PAX4: variants seen among roughly 807,000 people sequenced by gnomAD.
The protein encoded by PAX4 is paired box protein Pax-4.
A neutral mutation model predicts 40.6 loss-of-function variants in PAX4; 33 were observed. The ratio of observed to expected loss-of-function variants is 0.81; its 90% CI spans 0.62 to 1.09. The LOEUF is 1.09. PAX4 is among the 50% of genes least tolerant of loss of function. PAX4 has a pLI of 0.00. For missense variants in PAX4, 459 were observed against 442.5 expected (o/e 1.04, Z -0.33); for synonymous variants, 174 against 170.6 (o/e 1.02, Z -0.16).
At chr7:127,617,916 G>A (rs928363980) in intron 1 of PAX4, 46 bp downstream of exon 1, 1 of 152,408 alleles carries the variant, frequency 6.6e-6, no homozygotes, top group Non-Finnish European at 1.5e-5. Flanking sequence ...GAGGCATGGA[G>A]ACAGCATGAG....
intron 4 of PAX4, 28 bp from the exon 5 acceptor site, chr7:127,615,123 T>A (rs1379700482): frequency 6.2e-7 from 1 of 1,613,656 alleles, no homozygotes; most frequent in Non-Finnish European, 8.5e-7. Context: ...CAGGGACAGG[T>A]GAGGCATGAT....
chr7:127,613,797 C>T lies in PAX4; in HGVS notation c.521G>A (p.Arg174Gln), dbSNP rs776151854. The T allele has an allele frequency of 1.5e-5, 25 of 1,613,974 alleles. No individual in the cohort carries two copies. The highest frequency in any genetic ancestry group is 1.7e-4 in the Middle Eastern group (1 of 6,060). ...GTHPGTGHRN[R>Q]TIFSPSQAEA... ...TGCTTGGCTTGGGGAGAAGATAGTC[C>T]GATTCCGGTGGCCGGTCCCTGGGTG... The change falls in exon 7 of 12, where the codon CGG (arginine) becomes CAG (glutamine). Residue 174 changes from arginine to glutamine, a missense_variant. Transcript: ENST00000639438.
At position 127,610,571 on chromosome 7, in the gene PAX4, G is replaced by T; in HGVS notation, c.*493C>A. ...AGTGTGTGTGTGTGTGTGTGTGTGTGCGCGCACGCATGCACGCATACATAA... is the reference window on the plus strand; with the variant it reads ...AGTGTGTGTGTGTGTGTGTGTGTGTTCGCGCACGCATGCACGCATACATAA... On this transcript the variant is annotated 3_prime_UTR_variant, in exon 12 of 12. Transcript: ENST00000639438. The T allele has an allele frequency of 3.7e-6, 1 of 269,112 alleles. No individual in the cohort carries two copies. The highest frequency in any genetic ancestry group is 3.1e-5 in the South Asian group (1 of 32,168). The allele number at this position is 269,112 out of a possible 1,614,324, so 16.7% of individuals were successfully genotyped here. A position where few individuals can be genotyped will look rare whatever the true frequency, so the allele number is the denominator to read the frequency against.
In PAX4 at chr7:127,610,607, G is replaced by T. The variant is rs1587547975; in HGVS notation, c.*457C>A. ...TGCACGCATACATAATACACATATA[G>T]ATGCATACATAGAGTAGGTAAATTG... is the stretch of plus-strand genomic sequence containing the variant. On this transcript the variant is annotated 3_prime_UTR_variant, in exon 12 of 12. Transcript: ENST00000639438. 9.6e-6 allele frequency: 5 copies of T among 519,298 alleles called. No individual in the cohort carries two copies. The highest frequency in any genetic ancestry group is 6.5e-5 in the Admixed American group (2 of 30,916). 32.2% of individuals were successfully genotyped at this position (519,298 alleles called of 1,614,324 possible). A position where few individuals can be genotyped will look rare whatever the true frequency, so the allele number is the denominator to read the frequency against.
intron 4 of PAX4, 43 bp downstream of exon 4, chr7:127,615,358 T>A (rs373306441): frequency 2.5e-6 from 4 of 1,613,868 alleles, no homozygotes; most frequent in Non-Finnish European, 3.4e-6. Flanking sequence ...CCTTTCTCCC[T>A]GCTTCCTGTC....
rs368901575 is a variant in PAX4, at chr7:127,613,930, T to C, written c.437-49A>G. 1.3e-5 allele frequency: 21 copies of C among 1,609,208 alleles called. No individual in the cohort carries two copies. The African/African-American group carries it at 2.0e-4, about 15-fold the overall frequency. On this transcript the variant is annotated intron_variant, in intron 6 of 11. Coordinates refer to ENST00000639438, the MANE Select transcript of PAX4 (RefSeq NM_001366110.1). ...TGGTGGTTTGTGATGGTGATTCCTC[T>C]GGTCAGATGGGGTCCCTGAGTCTCT... is the stretch of plus-strand genomic sequence containing the variant.
rs1189212160 is a variant in PAX4 at position 127,610,894 on chromosome 7, A to T, written c.*170T>A. 6.5e-7 allele frequency: 1 copy of T among 1,543,102 alleles called. No individual in the cohort carries two copies. On this transcript the variant is annotated 3_prime_UTR_variant, in exon 12 of 12. Transcript: ENST00000639438. The stretch of plus-strand genomic sequence containing the variant: ...TGGGTGTTGCTTTACCAGCCCCTCC[A>T]ATCAGGTGATGCGCCAGAGAGGCAT...
chr7:127,613,367 C>G, intron 8 of PAX4, 83 bp downstream of exon 8: 1 of 1,340,170 alleles, frequency 7.5e-7, no homozygotes, highest in Non-Finnish European at 1.1e-6. Flanking sequence ...CACCTCCCCT[C>G]TCCACCTCAT....
rs927197477 is a variant in PAX4 at position 127,610,579 on chromosome 7, G to A, written c.*485C>T. The A allele has an allele frequency of 3.5e-5, 11 of 311,746 alleles. No homozygotes were observed. The highest frequency in any genetic ancestry group is 3.1e-4 in the East Asian group (6 of 19,406). 19.3% of individuals were successfully genotyped at this position (311,746 alleles called of 1,614,324 possible). A position where few individuals can be genotyped will look rare whatever the true frequency, so the allele number is the denominator to read the frequency against. Reference sequence around the variant, plus strand: ...TGTGTGTGTGTGTGTGTGCGCGCACGCATGCACGCATACATAATACACATA... The same window carrying A: ...TGTGTGTGTGTGTGTGTGCGCGCACACATGCACGCATACATAATACACATA... On this transcript the variant is annotated 3_prime_UTR_variant, in exon 12 of 12. Transcript: ENST00000639438.
intron 3 of PAX4, 110 bp from the exon 4 acceptor site, chr7:127,615,641 C>T (rs1794713025): frequency 9.4e-6 from 15 of 1,594,992 alleles, no homozygotes; most frequent in Non-Finnish European, 1.3e-5. Flanking sequence ...CGAGTGCATC[C>T]TCTCCTGGGA....
chr7:127,613,585 G>C lies in PAX4; in HGVS notation c.563-53C>G, dbSNP rs969347556. 1.9e-6 allele frequency: 3 copies of C among 1,593,684 alleles called. No individual in the cohort carries two copies. In the African/African-American group the frequency reaches 4.0e-5, roughly 21 times the overall value. On this transcript the variant is annotated intron_variant, in intron 7 of 11. Transcript: ENST00000639438. ...GGGCACCGGGAGAGGAGCAAGGCAT[G>C]GGTCTCCCCTTAGGCAACACTCCCC... is the stretch of plus-strand genomic sequence containing the variant.
rs150578361 is a variant in PAX4, at chr7:127,611,031, T to G, written c.*33A>C. ...GGACAATGGGCAGGATGGTATTAGA[T>G]CTTCTCTATGCCATCTCCTTCCCAC... On this transcript the variant is annotated 3_prime_UTR_variant, in exon 12 of 12. Coordinates refer to ENST00000639438, the MANE Select transcript of PAX4 (RefSeq NM_001366110.1). 0.015 allele frequency: 23,935 copies of G among 1,580,706 alleles called. 222 individuals are homozygous for G. The highest frequency in any genetic ancestry group is 0.018 in the Non-Finnish European group (21,033 of 1,160,786).
Position 127,615,896 on chromosome 7 carries a change from ACTTCCCCCAGG to A in PAX4, c.13+9_13+19del. On this transcript the variant is annotated intron_variant, in intron 3 of 11. Transcript: ENST00000639438. Reference sequence around the variant, plus strand: ...TCTCTGTTGTCCTCCCTGTCTTCCCACTTCCCCCAGGCTCCTCACCGTCCTGATGCATGCTC... The same window carrying A: ...TCTCTGTTGTCCTCCCTGTCTTCCCACTCCTCACCGTCCTGATGCATGCTC... 1.3e-6 allele frequency: 2 copies of A among 1,535,910 alleles called. No individual in the cohort carries two copies. The highest frequency in any genetic ancestry group is 1.7e-6 in the Non-Finnish European group (2 of 1,146,876).
chr7:127,617,069 T>C (rs1484602801), intron 2 of PAX4, among the ~76,000 whole-genome samples: 1 of 152,244 alleles, frequency 6.6e-6, no homozygotes, highest in Non-Finnish European at 1.5e-5. Context: ...TCTGCAGTTG[T>C]ATGCTGAATA....
At position 127,611,745 on chromosome 7, in the gene PAX4, C is replaced by CA; in HGVS notation, c.772-70dup. The CA allele has an allele frequency of 1.9e-6, 3 of 1,602,274 alleles. No homozygotes were observed. The Admixed American group carries it at 5.0e-5, about 27-fold the overall frequency. The stretch of plus-strand genomic sequence containing the variant: ...CCTCCTGTAGAGAACGCCGGGACCC[C>CA]AGAGCTGCCTGCCACCCAAGTAGTA... On this transcript the variant is annotated intron_variant, in intron 10 of 11. Transcript: ENST00000639438.
rs963582343 is a variant in PAX4 at position 127,611,579 on chromosome 7, C to T, written c.869G>A (p.Cys290Tyr). Residue 290 changes from cysteine to tyrosine, a missense_variant, in exon 11 of 12, where the codon TGT becomes TAT. By Grantham distance (194) the Cys-to-Tyr change is radical. Transcript: ENST00000639438. The part of the protein sequence containing the change: ...QLCWATAPER[C>Y]LSDTPPKACL... ...GGCTTTAGGTGGGGTGTCACTCAGA[C>T]ACCTTTCTGGTGCTGTTGCCCAGCA... 1.2e-5 allele frequency: 20 copies of T among 1,613,782 alleles called. No homozygotes were observed. Among genetic ancestry groups the T allele is most frequent in the Non-Finnish European group, 1.7e-5 (20 of 1,179,932 alleles).
At position 127,614,930 on chromosome 7, in the gene PAX4, G is replaced by A. The variant is rs758518306; in HGVS notation, c.310C>T (p.Gln104Ter). The change falls in exon 5 of 12, where the codon CAA becomes TAA. Residue 104 changes from glutamine to a stop codon, truncating the protein, a stop_gained. Coordinates refer to ENST00000639438, the MANE Select transcript of PAX4 (RefSeq NM_001366110.1). LOFTEE classifies it high-confidence loss of function. ...AGCCCTTCAGCACAAAGCTGGCGTT[G>A]GATTTCCCAGGCAAAGAGGGCTGGA... is the stretch of plus-strand genomic sequence containing the variant. ...ECPALFAWEI[Q>*]RQLCAEGLCT... 3.1e-6 allele frequency: 5 copies of A among 1,614,172 alleles called. No individual in the cohort carries two copies. The highest frequency in any genetic ancestry group is 4.2e-6 in the Non-Finnish European group (5 of 1,180,028).
chr7:127,611,833 TGAACA>T (rs1353050120), intron 10 of PAX4, 107 bp downstream of exon 10: 1 of 1,594,554 alleles, frequency 6.3e-7, no homozygotes, highest in African/African-American at 1.3e-5. Flanking sequence ...TTTCTTGACA[TGAACA>T]CTGTGGGGCC....
At chr7:127,611,378 T>A (rs1794622885) in intron 11 of PAX4, among the ~76,000 whole-genome samples, 157 bp downstream of exon 11, 1 of 152,218 alleles carries the variant, frequency 6.6e-6, no homozygotes, top group South Asian at 2.1e-4. Context: ...ACTCAGGGGT[T>A]ACTAGTCTCC....
Sources: gnomAD v4.1 joint callset for allele counts (sites outside exome capture counted in the v4.1 genomes callset) on GRCh38, gnomAD v4.1.1 for gene constraint, MANE v1.5 for transcripts, NCBI Gene and HGNC (gene_info 2026-07-23, HGNC 2026-07-21) for gene names.